ADIG: variants seen among roughly 807,000 people sequenced by gnomAD.
ADIG encodes the protein adipogenin, also known as adipogenesis associated.
In ADIG, 12 loss-of-function variants were observed where a neutral mutation model predicts 10.7. The ratio of observed to expected loss-of-function variants is 1.12; its 90% CI spans 0.72 to 1.82. The LOEUF (loss-of-function observed/expected upper bound fraction) is 1.82. Among genes scored for constraint, ADIG ranks in the 40% most tolerant of loss-of-function variants. The pLI is 0.00. For missense variants in ADIG, 72 were observed against 92.5 expected (o/e 0.78, Z 0.91); for synonymous variants, 32 against 35.6 (o/e 0.90, Z 0.36).
At chr20:38,585,297 A>T in intron 1 of ADIG, 2 of 858,158 alleles carry the variant, frequency 2.3e-6, no homozygotes, top group African/African-American at 1.7e-5. Context: ...TTCTCACCCT[A>T]CCTCCCCAAG....
At chr20:38,586,832 G>A (rs568256199) in intron 2 of ADIG, among the ~76,000 whole-genome samples, 57 of 138,240 alleles carry the variant, frequency 4.1e-4, no homozygotes, top group African/African-American at 1.7e-3. Context: ...CTATGATGAG[G>A]ATATGATTCT....
chr20:38,583,040 A>G (rs1212845912), intron 1 of ADIG, among the ~76,000 whole-genome samples: 1 of 151,826 alleles, frequency 6.6e-6, no homozygotes, highest in Non-Finnish European at 1.5e-5. Context: ...CTGGTCTCGA[A>G]CTCCTGAGCT....
intron 1 of ADIG, chr20:38,585,584 A>G (rs2088629183): frequency 1.5e-5 from 22 of 1,502,312 alleles, no homozygotes; most frequent in Non-Finnish European, 1.8e-5. Context: ...ACGTGGACAC[A>G]GTTTCCAGGT....
Position 38,588,332 on chromosome 20 carries a change from T to C in ADIG, c.*246T>C. On this transcript the variant is annotated 3_prime_UTR_variant, in exon 3 of 3. Coordinates refer to ENST00000537425, the MANE Select transcript of ADIG (RefSeq NM_001393816.1). ...CAAGTCTGGGAGGGCATGGGAGCAG[T>C]GAGCAGGCCCATGGGGAGAAATTGG... The C allele has an allele frequency of 7.7e-7, 1 of 1,303,590 alleles. No homozygotes were observed. Among genetic ancestry groups the C allele is most frequent in the Non-Finnish European group, 1.0e-6 (1 of 988,618 alleles). The allele number at this position is 1,303,590 out of a possible 1,614,324, so 80.8% of individuals were successfully genotyped here. A position where few individuals can be genotyped will look rare whatever the true frequency, so the allele number is the denominator to read the frequency against.
chr20:38,586,003 A>G, intron 1 of ADIG, 26 bp from the exon 2 acceptor site: 1 of 1,574,276 alleles, frequency 6.4e-7, no homozygotes, highest in Non-Finnish European at 8.6e-7. Flanking sequence ...TGACCATCCA[A>G]GAGGCCTTGC....
chr20:38,586,183 G>A (rs1336969108), intron 2 of ADIG, 22 bp downstream of exon 2: 7 of 1,549,682 alleles, frequency 4.5e-6, no homozygotes, highest in Non-Finnish European at 6.1e-6. Flanking sequence ...CCAGGGGCCA[G>A]GGGGAGCCTC....
At chr20:38,586,224 A>T in intron 2 of ADIG, 63 bp downstream of exon 2, 2 of 1,377,450 alleles carry the variant, frequency 1.5e-6, no homozygotes, top group Non-Finnish European at 2.0e-6. Context: ...GGCAGCTGCT[A>T]TGTGGGCAAG....
At chr20:38,584,803 G>A (rs148739463) in intron 1 of ADIG, among the ~76,000 whole-genome samples, 126 of 151,760 alleles carry the variant, frequency 8.3e-4, no homozygotes, top group African/African-American at 2.9e-3. Context: ...TTTTGAGACG[G>A]AGTCTCGCTC....
At chr20:38,581,498 A>G (rs2088591326) in intron 1 of ADIG, 124 bp downstream of exon 1, 2 of 1,366,612 alleles carry the variant, frequency 1.5e-6, no homozygotes, top group South Asian at 2.7e-5. Context: ...GTGCTCGCTT[A>G]GATACAAGCA....
chr20:38,583,037 C>T (rs191995504), intron 1 of ADIG, among the ~76,000 whole-genome samples: 51 of 152,184 alleles, frequency 3.4e-4, no homozygotes, highest in African/African-American at 1.1e-3. Flanking sequence ...AGGCTGGTCT[C>T]GAACTCCTGA....
rs76546864 is a variant in ADIG, at chr20:38,585,697, T to A, written c.125-332T>A. On this transcript the variant is annotated intron_variant, in intron 1 of 2. Transcript: ENST00000537425. ...TTTGTTAATGAATGAACTAGTGGAC[T>A]AGTGGCCTGGATGGGTCAATAACTG... 5.7e-3 allele frequency: 3,943 copies of A among 697,446 alleles called. 118 individuals carry two copies. In the African/African-American group the frequency reaches 0.062, roughly 11 times the overall value. 43.2% of individuals were successfully genotyped at this position (697,446 alleles called of 1,614,324 possible).
chr20:38,585,666 C>A lies in ADIG; in HGVS notation c.125-363C>A, dbSNP rs2088629861. ...GTGGAGATCATTGTGCCTTTGTACT[C>A]AGATGTTTGTTAATGAATGAACTAG... On this transcript the variant is annotated intron_variant, in intron 1 of 2. Transcript: ENST00000537425. 6 of 868,934 alleles carry A rather than the reference C, an allele frequency of 6.9e-6. No homozygotes were observed. The Admixed American group carries it at 1.4e-4, about 20-fold the overall frequency. The allele number at this position is 868,934 out of a possible 1,614,324, so 53.8% of individuals were successfully genotyped here.
In ADIG at chr20:38,588,232, G is replaced by A. The variant is rs115965434; in HGVS notation, c.*146G>A. Reference sequence around the variant, plus strand: ...CCCCAACTCATCTCCTCTTCAGACCGACATGTGAAAGCCTCCAGAGGTCCC... The same window carrying A: ...CCCCAACTCATCTCCTCTTCAGACCAACATGTGAAAGCCTCCAGAGGTCCC... On this transcript the variant is annotated 3_prime_UTR_variant, in exon 3 of 3. Transcript: ENST00000537425. 2.1e-5 allele frequency: 27 copies of A among 1,304,474 alleles called. No homozygotes were observed. In the African/African-American group the frequency reaches 2.4e-4, roughly 12 times the overall value. 80.8% of individuals were successfully genotyped at this position (1,304,474 alleles called of 1,614,324 possible).
At position 38,588,371 on chromosome 20, in the gene ADIG, GA is replaced by G. The variant is rs1228313224; in HGVS notation, c.*286del. The stretch of plus-strand genomic sequence containing the variant: ...GGGAGAAATTGGCCAATTTAATTCA[GA>G]GGGGTCTTAAAGCAGGGCTGGGCCG... On this transcript the variant is annotated 3_prime_UTR_variant, in exon 3 of 3. Coordinates refer to ENST00000537425, the MANE Select transcript of ADIG (RefSeq NM_001393816.1). The G allele has an allele frequency of 7.7e-7, 1 of 1,293,822 alleles. No individual in the cohort carries two copies. Among genetic ancestry groups the G allele is most frequent in the African/African-American group, 1.5e-5 (1 of 65,562 alleles). 80.1% of individuals were successfully genotyped at this position (1,293,822 alleles called of 1,614,324 possible).
chr20:38,585,613 G>A (rs570334347), intron 1 of ADIG: 4 of 1,347,582 alleles, frequency 3.0e-6, no homozygotes, highest in Non-Finnish European at 4.1e-6. Flanking sequence ...GTTCGTGTGT[G>A]CGTGTTTCAT....
In ADIG at chr20:38,588,437, A is replaced by G. The variant is rs145214707; in HGVS notation, c.*351A>G. The G allele has an allele frequency of 4.6e-4, 561 of 1,211,804 alleles. 9 individuals carry two copies. The African/African-American group carries it at 7.7e-3, about 17-fold the overall frequency. 75.1% of individuals were successfully genotyped at this position (1,211,804 alleles called of 1,614,324 possible). On this transcript the variant is annotated 3_prime_UTR_variant, in exon 3 of 3. Coordinates refer to ENST00000537425, the MANE Select transcript of ADIG (RefSeq NM_001393816.1). ...ATATTAAAGAAGCAAGGGTCTTCCC[A>G]TACCCGGGGGACCCCTGACAAACCT...
At chr20:38,584,085 A>C (rs8120170) in intron 1 of ADIG, among the ~76,000 whole-genome samples, 10 of 145,192 alleles carry the variant, frequency 6.9e-5, no homozygotes, top group East Asian at 2.2e-4. Context: ...CCTCCCCACC[A>C]CCCCCCAACA....
intron 1 of ADIG, among the ~76,000 whole-genome samples, chr20:38,583,982 C>T (rs1263154709): frequency 6.6e-6 from 1 of 152,072 alleles, no homozygotes; most frequent in Non-Finnish European, 1.5e-5. Flanking sequence ...GACACCCAGA[C>T]CTGCAGTTTT....
In ADIG at chr20:38,585,503, C is replaced by T. The variant is rs113341386; in HGVS notation, c.125-526C>T. On this transcript the variant is annotated intron_variant, in intron 1 of 2. Coordinates refer to ENST00000537425, the MANE Select transcript of ADIG (RefSeq NM_001393816.1). ...AACAGCTTCATGACAAGCCATCAGA[C>T]GGAGGGTCCGGGTCTCCATGTGGTG... The T allele has an allele frequency of 6.6e-4, 1,026 of 1,550,584 alleles. 8 individuals are homozygous for T. In the African/African-American group the frequency reaches 0.01, roughly 16 times the overall value.
Sources: gnomAD v4.1 joint callset for allele counts (sites outside exome capture counted in the v4.1 genomes callset) on GRCh38, gnomAD v4.1.1 for gene constraint, MANE v1.5 for transcripts, NCBI Gene and HGNC (gene_info 2026-07-23, HGNC 2026-07-21) for gene names.